Variants in MYH15 observed in about 807,000 individuals in gnomAD.
The protein encoded by MYH15 is myosin heavy chain 15.
A neutral mutation model predicts 240.5 loss-of-function variants in MYH15; 227 were observed. The observed-to-expected ratio is 0.94, with a 90% confidence interval of 0.85 to 1.05. MYH15 has a LOEUF of 1.05. Ranked by LOEUF, MYH15 falls within the 50% of genes least tolerant of loss-of-function variation. The probability of loss-of-function intolerance (pLI) is 0.00; values close to 1 mark genes in which losing one functional copy is unlikely to be tolerated. For synonymous variants in MYH15, 785 were observed against 796.7 expected (o/e 0.99, Z 0.25); for missense variants, 2,217 against 2,247.5 (o/e 0.99, Z 0.27).
At chr3:108,460,715 G>T (rs1165284434) in intron 16 of MYH15, among the ~76,000 whole-genome samples, 1 of 152,158 alleles carries the variant, frequency 6.6e-6, no homozygotes, top group Non-Finnish European at 1.5e-5. Flanking sequence ...TTAAAATGAT[G>T]ATGTGGATCC....
At chr3:108,468,621 A>AT (rs367694822) in intron 14 of MYH15, among the ~76,000 whole-genome samples, 1 of 152,284 alleles carries the variant, frequency 6.6e-6, no homozygotes, top group Admixed American at 6.5e-5. Flanking sequence ...TTGGTCAGTA[A>AT]TTTTTTCTCA....
intron 18 of MYH15, among the ~76,000 whole-genome samples, chr3:108,457,243 G>T (rs2083030239): frequency 6.6e-6 from 1 of 152,114 alleles, no homozygotes; most frequent in Non-Finnish European, 1.5e-5. Context: ...AGCCAGAAAG[G>T]GTGATAAGAA....
chr3:108,534,089 T>C (rs749144686), upstream of MYH15, among the ~76,000 whole-genome samples: 1 of 152,222 alleles, frequency 6.6e-6, no homozygotes, highest in Non-Finnish European at 1.5e-5. Flanking sequence ...CAGGCATTTC[T>C]TGTCATTAAT....
the MYH15 span, among the ~76,000 whole-genome samples, chr3:108,539,930 TTAAA>T: frequency 6.6e-6 from 1 of 152,164 alleles, no homozygotes; most frequent in Non-Finnish European, 1.5e-5. Flanking sequence ...AAAAAGTAAG[TTAAA>T]TACTCTTCTT....
chr3:108,422,491 T>C (rs1051916755), intron 27 of MYH15, among the ~76,000 whole-genome samples: 2 of 152,144 alleles, frequency 1.3e-5, no homozygotes, highest in African/African-American at 4.8e-5. Context: ...GCTGGGATTA[T>C]AGGCGATCTT....
intron 18 of MYH15, among the ~76,000 whole-genome samples, chr3:108,458,441 A>G (rs550546575): frequency 2.0e-5 from 3 of 152,202 alleles, no homozygotes; most frequent in East Asian, 1.9e-4. Context: ...TTTGTATCAC[A>G]CTTTCCCAAA....
chr3:108,506,080 A>T (rs1287915140), intron 1 of MYH15, among the ~76,000 whole-genome samples: 1 of 152,138 alleles, frequency 6.6e-6, no homozygotes, highest in African/African-American at 2.4e-5. Flanking sequence ...TTTTGCTACA[A>T]GAAAGTTACC....
chr3:108,450,183 G>A (rs1279033954), intron 21 of MYH15, among the ~76,000 whole-genome samples: 1 of 152,040 alleles, frequency 6.6e-6, no homozygotes, highest in Non-Finnish European at 1.5e-5. Context: ...ACTACCATAG[G>A]ATCTATCAAT....
intron 26 of MYH15, among the ~76,000 whole-genome samples, chr3:108,430,206 G>A (rs113633882): frequency 6.6e-6 from 1 of 152,152 alleles, no homozygotes; most frequent in Non-Finnish European, 1.5e-5. Flanking sequence ...AAATTATTTT[G>A]AGTCATGGTT....
Position 108,463,225 on chromosome 3 carries a change from C to A in MYH15, c.1750G>T (p.Gly584Cys). 5.6e-6 allele frequency: 9 copies of A among 1,610,894 alleles called. No individual in the cohort carries two copies. The highest frequency in any genetic ancestry group is 7.6e-6 in the Non-Finnish European group (9 of 1,179,076). Residue 584 changes from glycine to cysteine, a missense_variant, in exon 16 of 41, where the codon GGT becomes TGT. Gly to Cys is a radical substitution (Grantham distance 159, BLOSUM62 -3). Transcript: ENST00000693548. ...AGGTCTTTGTTCTTTTCCAGCCAAC[C>A]ACTGATATTATAAGGTACCTTTGGA... is the stretch of plus-strand genomic sequence containing the variant. The part of the protein sequence containing the change: ...YAGVVPYNIS[G>C]WLEKNKDLLN...
At chr3:108,415,169 G>A (rs557876990) in intron 29 of MYH15, among the ~76,000 whole-genome samples, 61 of 152,134 alleles carry the variant, frequency 4.0e-4, no homozygotes, top group African/African-American at 1.3e-3. Context: ...ATGGTGATCT[G>A]GCTAACCTAG....
chr3:108,487,265 C>G (rs1322399958), intron 9 of MYH15, among the ~76,000 whole-genome samples: 1 of 152,146 alleles, frequency 6.6e-6, no homozygotes, highest in Non-Finnish European at 1.5e-5. Flanking sequence ...TCTTATTTTT[C>G]TATTTATTGC....
intron 12 of MYH15, among the ~76,000 whole-genome samples, chr3:108,472,012 T>C (rs898617988): frequency 3.9e-5 from 6 of 152,176 alleles, no homozygotes; most frequent in Non-Finnish European, 5.9e-5. Context: ...AGCTTCCAAC[T>C]CTTTATTATA....
Position 108,501,855 on chromosome 3 carries a change from T to C in MYH15, c.196A>G (p.Ser66Gly). 2 of 1,613,736 alleles carry C rather than the reference T, an allele frequency of 1.2e-6. No homozygotes were observed. Among genetic ancestry groups the C allele is most frequent in the Non-Finnish European group, 1.7e-6 (2 of 1,179,668 alleles). Residue 66 changes from serine to glycine, a missense_variant and splice_region_variant, in exon 3 of 41, where the codon AGT (serine) becomes GGT (glycine). Coordinates refer to ENST00000693548, the MANE Select transcript of MYH15 (RefSeq NM_014981.3). ...TVIVETADGE[S>G]LSIKEDKIQQ... ...ATTTTGTCCTCCTTTATGCTCAGACTCTGCAGAGAGAAGAAAAATATATGA... is the reference window on the plus strand; with the variant it reads ...ATTTTGTCCTCCTTTATGCTCAGACCCTGCAGAGAGAAGAAAAATATATGA...
chr3:108,464,572 C>T (rs1264852376), intron 15 of MYH15, 66 bp downstream of exon 15: 12 of 1,435,064 alleles, frequency 8.4e-6, no homozygotes, highest in African/African-American at 1.4e-5. Flanking sequence ...CATCTAAGGA[C>T]TTTGGCTGAG....
upstream of MYH15, among the ~76,000 whole-genome samples, chr3:108,511,865 T>C (rs1188993136): frequency 6.6e-6 from 1 of 152,214 alleles, no homozygotes; most frequent in Non-Finnish European, 1.5e-5. Context: ...TGGATAGGTA[T>C]AGTGATACCA....
the MYH15 span, among the ~76,000 whole-genome samples, chr3:108,537,803 G>A: frequency 3.3e-5 from 5 of 152,024 alleles, no homozygotes; most frequent in Non-Finnish European, 7.4e-5. Flanking sequence ...AATGGGAGAC[G>A]GGGAAAAACA....
chr3:108,403,356 T>G (rs1445822497), intron 33 of MYH15, among the ~76,000 whole-genome samples: 1 of 152,242 alleles, frequency 6.6e-6, no homozygotes, highest in Non-Finnish European at 1.5e-5. Flanking sequence ...CCTGTCTTCC[T>G]GGGCACCTTC....
Position 108,399,098 on chromosome 3 carries a change from C to G in MYH15, c.4906G>C (p.Gly1636Arg). The change falls in exon 34 of 41, where the codon GGC (glycine) becomes CGC (arginine). Residue 1636 changes from glycine (G) to arginine (R), a missense_variant. Transcript: ENST00000693548. ...RQVSEATKSL[G>R]QLQIQIKDLQ... ...ACCTTGATTTGAATCTGAAGCTGGC[C>G]CAGGGATTTGGTTGCTTCTGACACC... The G allele has an allele frequency of 6.2e-7, 1 of 1,613,810 alleles. No individual in the cohort carries two copies. Among genetic ancestry groups the G allele is most frequent in the Middle Eastern group, 1.7e-4 (1 of 6,044 alleles).
Sources: allele counts gnomAD v4.1 joint callset (sites outside exome capture counted in the v4.1 genomes callset), GRCh38; gene constraint gnomAD v4.1.1; transcripts MANE v1.5; gene names NCBI Gene and HGNC (gene_info 2026-07-23, HGNC 2026-07-21).